The following DYM variants were observed in gnomAD, a reference collection of about 807,000 sequenced individuals.
DYM encodes the protein dyggve-Melchior-Clausen syndrome protein.
A neutral mutation model predicts 93.1 loss-of-function variants in DYM; 78 were observed. The ratio of observed to expected loss-of-function variants is 0.84; its 90% CI spans 0.70 to 1.01. The LOEUF (loss-of-function observed/expected upper bound fraction) is 1.01. DYM is among the 50% of genes least tolerant of loss of function. The pLI is 0.00. For synonymous variants in DYM, 321 were observed against 319.7 expected (o/e 1.00, Z -0.04); for missense variants, 789 against 845.0 (o/e 0.93, Z 0.82).
intron 14 of DYM, among the ~76,000 whole-genome samples, chr18:49,185,599 G>T (rs1445980540): frequency 6.6e-6 from 1 of 152,196 alleles, no homozygotes; most frequent in Non-Finnish European, 1.5e-5. Context: ...TCTTTAAATT[G>T]AAAATATGCT....
chr18:49,317,666 TTCCTTCCTTCCTTCCTTCCTTC>T lies in DYM; in HGVS notation c.763+14176_763+14197del. Among the ~76,000 whole-genome samples the T allele has an allele frequency of 1.8e-5, 2 of 110,710 alleles. 1 individual carries two copies. The highest frequency in any genetic ancestry group is 7.0e-5 in the African/African-American group (2 of 28,386). The allele number at this position is 110,710 out of a possible 152,430, so 72.6% of individuals were successfully genotyped here. A position where few individuals can be genotyped will look rare whatever the true frequency, so the allele number is the denominator to read the frequency against. ...CTCCTCTCCTTCCTTCCTTCCTTCC[TTCCTTCCTTCCTTCCTTCCTTC>T]CTTTCTTTCTTTCTTTCAAGCAATT... On this transcript the variant is annotated intron_variant, in intron 8 of 17. Transcript: ENST00000675505.
At position 49,111,819 on chromosome 18, in the gene DYM, G is replaced by C. The variant is rs188594510; in HGVS notation, c.1911+6925C>G. Among the ~76,000 whole-genome samples the C allele has an allele frequency of 4.6e-5, 7 of 152,212 alleles. No homozygotes were observed. The East Asian group carries it at 1.2e-3, about 25-fold the overall frequency. ...TGGCAGAAGGTAGGGGATTCTCTAC[G>C]TGCTGTCCTAAGACCTCAGTCTTAA... On this transcript the variant is annotated intron_variant, in intron 16 of 17. Coordinates refer to ENST00000675505, the MANE Select transcript of DYM (RefSeq NM_001353214.3).
intron 13 of DYM, among the ~76,000 whole-genome samples, chr18:49,211,482 A>G (rs979774538): frequency 1.3e-5 from 2 of 152,218 alleles, no homozygotes; most frequent in Admixed American, 6.5e-5. Flanking sequence ...CATCAAAACT[A>G]TATCAAAGTA....
At chr18:49,415,543 T>G (rs1320075261) in intron 2 of DYM, among the ~76,000 whole-genome samples, 2 of 151,896 alleles carry the variant, frequency 1.3e-5, no homozygotes, top group African/African-American at 4.8e-5. Context: ...AGAGCTGCCC[T>G]TTTTGCCTTA....
chr18:49,450,135 A>G (rs1368047573), intron 1 of DYM, among the ~76,000 whole-genome samples: 1 of 152,232 alleles, frequency 6.6e-6, no homozygotes, highest in Non-Finnish European at 1.5e-5. Flanking sequence ...ACAAAAATTA[A>G]TCTTGCAAAA....
intron 1 of DYM, among the ~76,000 whole-genome samples, chr18:49,452,353 T>C (rs540594273): frequency 6.6e-6 from 1 of 152,300 alleles, no homozygotes; most frequent in Non-Finnish European, 1.5e-5. Context: ...GAAGGGGACC[T>C]GAGCGGGTTG....
intron 11 of DYM, among the ~76,000 whole-genome samples, chr18:49,270,784 T>A (rs2094677184): frequency 6.6e-6 from 1 of 152,160 alleles, no homozygotes; most frequent in South Asian, 2.1e-4. Context: ...ATGGTCATAC[T>A]ATGTAAGAGG....
intron 4 of DYM, 130 bp from the exon 5 acceptor site, chr18:49,378,830 A>C (rs190548337): frequency 2.5e-6 from 2 of 814,328 alleles, no homozygotes; most frequent in Non-Finnish European, 4.0e-6. Context: ...GATAATGTCC[A>C]TATCTTTTAA....
chr18:49,279,248 G>A (rs1435233259), intron 10 of DYM, among the ~76,000 whole-genome samples: 2 of 152,142 alleles, frequency 1.3e-5, no homozygotes, highest in African/African-American at 4.8e-5. Flanking sequence ...AACACCTGTC[G>A]CTGAATACAG....
In DYM at chr18:49,452,650, G is replaced by GACAC. The variant is rs1600386582; in HGVS notation, c.-54+7747_-54+7748insGTGT. On this transcript the variant is annotated intron_variant, in intron 1 of 17. Coordinates refer to ENST00000675505, the MANE Select transcript of DYM (RefSeq NM_001353214.3). ...TAAAGGTTCTCCAAGTCACTGCCGT[G>GACAC]GGCTCCTGCGTGGCCTGAGCCTCCC... 2.5e-3 allele frequency among the ~76,000 whole-genome samples: 346 copies of GACAC among 139,970 alleles called. 14 individuals carry two copies. The highest frequency in any genetic ancestry group is 7.9e-3 in the Middle Eastern group (2 of 252). The allele number at this position is 139,970 out of a possible 152,430, so 91.8% of individuals were successfully genotyped here. A position where few individuals can be genotyped will look rare whatever the true frequency, so the allele number is the denominator to read the frequency against.
intron 11 of DYM, among the ~76,000 whole-genome samples, chr18:49,265,715 T>C (rs1179928389): frequency 1.4e-5 from 2 of 143,864 alleles, no homozygotes; most frequent in Admixed American, 1.4e-4. Context: ...GAGGCAGAGG[T>C]TGTGGTGAGC....
chr18:49,266,352 A>G (rs1311730620), intron 11 of DYM, among the ~76,000 whole-genome samples: 1 of 152,160 alleles, frequency 6.6e-6, no homozygotes, highest in Non-Finnish European at 1.5e-5. Flanking sequence ...ATGGTGGCTC[A>G]CACCTGTAAT....
chr18:49,429,923 C>G (rs972701888), intron 2 of DYM, among the ~76,000 whole-genome samples: 19 of 152,138 alleles, frequency 1.2e-4, no homozygotes, highest in African/African-American at 4.6e-4. Flanking sequence ...AGGCAAGGGA[C>G]AGAACAGTAC....
At chr18:49,278,740 C>T (rs1409619519) in intron 10 of DYM, among the ~76,000 whole-genome samples, 2 of 152,044 alleles carry the variant, frequency 1.3e-5, no homozygotes, top group Non-Finnish European at 2.9e-5. Flanking sequence ...AAGGCCAAAG[C>T]TATAAAAGGC....
intron 15 of DYM, among the ~76,000 whole-genome samples, chr18:49,120,494 G>A (rs1383913258): frequency 1.3e-5 from 2 of 152,242 alleles, no homozygotes; most frequent in African/African-American, 4.8e-5. Context: ...CCAAAAATCT[G>A]CAGATGCTCA....
intron 13 of DYM, among the ~76,000 whole-genome samples, chr18:49,244,334 C>T (rs1213602612): frequency 6.6e-6 from 1 of 152,194 alleles, no homozygotes; most frequent in Admixed American, 6.5e-5. Flanking sequence ...ACCCTCAAAT[C>T]TTTTCAGTCA....
chr18:49,429,482 A>T (rs77177074), intron 2 of DYM, among the ~76,000 whole-genome samples: 13,892 of 152,192 alleles, frequency 0.091, 856 homozygotes, highest in East Asian at 0.31. Flanking sequence ...TTATTGTCTG[A>T]CAGTTTTTGT....
chr18:49,292,377 C>CAT (rs1204617965), intron 8 of DYM, among the ~76,000 whole-genome samples: 9 of 150,562 alleles, frequency 6.0e-5, no homozygotes, highest in African/African-American at 2.2e-4. Context: ...CACACACACA[C>CAT]ACACACACAC....
chr18:49,046,626 A>G (rs189618), intron 17 of DYM, among the ~76,000 whole-genome samples: 1 of 152,196 alleles, frequency 6.6e-6, no homozygotes, highest in Non-Finnish European at 1.5e-5. Context: ...TGGACCAGGT[A>G]TAGTAGCTCA....
Sources: gnomAD v4.1 joint callset for allele counts (sites outside exome capture counted in the v4.1 genomes callset) on GRCh38, gnomAD v4.1.1 for gene constraint, MANE v1.5 for transcripts, NCBI Gene and HGNC (gene_info 2026-07-23, HGNC 2026-07-21) for gene names.